WDR70: variants seen among roughly 807,000 people sequenced by gnomAD.
WDR70 encodes WD repeat domain 70.
WDR70 carries 53 observed loss-of-function variants against 88.6 expected under a neutral mutation model. That is an observed-to-expected ratio of 0.60 (90% CI 0.48 to 0.75). WDR70 has a LOEUF of 0.75. Among genes scored for constraint, WDR70 ranks in the 30% least tolerant of loss-of-function variants. WDR70 has a pLI of 0.00. For missense variants in WDR70, 610 were observed against 823.2 expected, an observed-to-expected ratio of 0.74 and a Z score of 3.17; for synonymous variants, 280 against 270.0, an observed-to-expected ratio of 1.04 and a Z score of -0.36.
chr5:37,509,570 T>G (rs76647366), intron 8 of WDR70, among the ~76,000 whole-genome samples: 24,773 of 152,152 alleles, frequency 0.16, 2,133 homozygotes, highest in South Asian at 0.27. Flanking sequence ...AAATATCTGA[T>G]GAAGTGTGTT....
intron 10 of WDR70, among the ~76,000 whole-genome samples, chr5:37,640,187 A>G (rs1472361380): frequency 6.6e-6 from 1 of 152,166 alleles, no homozygotes; most frequent in Admixed American, 6.5e-5. Flanking sequence ...GAGAATTACC[A>G]TGAAAAATGA....
At chr5:37,595,382 CAT>C (rs138966923) in intron 9 of WDR70, among the ~76,000 whole-genome samples, 4,605 of 152,098 alleles carry the variant, frequency 0.03, 247 homozygotes, top group African/African-American at 0.1. Flanking sequence ...GAAATCTGGC[CAT>C]GTGTGTGTGT....
chr5:37,606,892 C>G (rs1442674808), intron 10 of WDR70, among the ~76,000 whole-genome samples: 3 of 35,522 alleles, frequency 8.4e-5, no homozygotes, highest in African/African-American at 2.6e-4. Context: ...TCCCCCCTCC[C>G]CTCCCCTCCC....
At chr5:37,643,902 T>C (rs907658224) in intron 10 of WDR70, among the ~76,000 whole-genome samples, 9 of 152,146 alleles carry the variant, frequency 5.9e-5, no homozygotes, top group Non-Finnish European at 1.2e-4. Flanking sequence ...TTTAGGTTTT[T>C]CCAAATATAA....
chr5:37,450,928 C>T (rs1173509375), intron 7 of WDR70, among the ~76,000 whole-genome samples: 4 of 151,936 alleles, frequency 2.6e-5, no homozygotes, highest in African/African-American at 9.7e-5. Context: ...GATGGAGTTT[C>T]ACTCTTGTTG....
At chr5:37,407,469 A>C (rs1749387810) in intron 5 of WDR70, among the ~76,000 whole-genome samples, 1 of 151,774 alleles carries the variant, frequency 6.6e-6, no homozygotes. Context: ...GGTTGCAACG[A>C]GCTAAAAATC....
chr5:37,480,728 G>A (rs1199247650), intron 8 of WDR70, among the ~76,000 whole-genome samples: 5 of 151,908 alleles, frequency 3.3e-5, no homozygotes, highest in East Asian at 3.9e-4. Flanking sequence ...ATTCTGCCTC[G>A]GCCCCTCCGA....
At chr5:37,639,384 C>T (rs1745049274) in intron 10 of WDR70, among the ~76,000 whole-genome samples, 1 of 152,188 alleles carries the variant, frequency 6.6e-6, no homozygotes, top group Non-Finnish European at 1.5e-5. Flanking sequence ...AGACACAATT[C>T]ACGCTGAAAA....
chr5:37,649,842 A>G (rs1745347375), intron 10 of WDR70, among the ~76,000 whole-genome samples: 1 of 130,546 alleles, frequency 7.7e-6, no homozygotes, highest in African/African-American at 3.0e-5. Context: ...GGTTCACGCC[A>G]TTCTCCTGCC....
rs144647813 is a variant in WDR70, at chr5:37,696,482, A to G, written c.1093-1173A>G. Among the ~76,000 whole-genome samples, 10 of 152,326 alleles carry G rather than the reference A, an allele frequency of 6.6e-5. No individual in the cohort carries two copies. The East Asian group carries it at 1.5e-3, about 24-fold the overall frequency. ...TGACTCATTCTTCATAAGGGTTGCT[A>G]CAAGAGCAATGGAGATGAGCTCACT... On this transcript the variant is annotated intron_variant, in intron 10 of 17. Coordinates refer to ENST00000265107, the MANE Select transcript of WDR70 (RefSeq NM_018034.4).
At chr5:37,548,974 A>G (rs1009458446) in intron 9 of WDR70, among the ~76,000 whole-genome samples, 1 of 151,966 alleles carries the variant, frequency 6.6e-6, no homozygotes, top group South Asian at 2.1e-4. Flanking sequence ...TTGTTTCTGG[A>G]TCCCCTATTC....
intron 10 of WDR70, among the ~76,000 whole-genome samples, chr5:37,667,824 C>T (rs1468122395): frequency 2.4e-5 from 3 of 126,496 alleles, no homozygotes; most frequent in Non-Finnish European, 4.7e-5. Context: ...TAGTTCAATC[C>T]ATGCTAGTCT....
chr5:37,472,423 T>C (rs1739353875), intron 7 of WDR70, among the ~76,000 whole-genome samples: 2 of 152,100 alleles, frequency 1.3e-5, no homozygotes, highest in Non-Finnish European at 2.9e-5. Flanking sequence ...AAAATGTTTA[T>C]GACATTTATC....
rs2112654230 is a variant in WDR70, at chr5:37,699,224, C to T, written c.1192+1470C>T. 1.3e-5 allele frequency among the ~76,000 whole-genome samples: 2 copies of T among 152,022 alleles called. 1 individual carries two copies. The highest frequency in any genetic ancestry group is 4.2e-4 in the South Asian group (2 of 4,802). ...GATAAAATAGGTGAGCCCAAAATTA[C>T]TCAACTGAGTAATTACCCAGTTGAT... On this transcript the variant is annotated intron_variant, in intron 11 of 17. Coordinates refer to ENST00000265107, the MANE Select transcript of WDR70 (RefSeq NM_018034.4).
At chr5:37,479,812 C>T in intron 7 of WDR70, 22 bp from the exon 8 acceptor site, 1 of 1,597,888 alleles carries the variant, frequency 6.3e-7, no homozygotes, top group Non-Finnish European at 8.5e-7. Flanking sequence ...ATCTTACCAA[C>T]TTTCCTTTTC....
chr5:37,477,789 A>G (rs1162505562), intron 7 of WDR70, among the ~76,000 whole-genome samples: 2 of 151,974 alleles, frequency 1.3e-5, no homozygotes, highest in Non-Finnish European at 2.9e-5. Context: ...CTGTTCTTTT[A>G]TAGGGTTTCT....
intron 10 of WDR70, chr5:37,620,185 A>C (rs1198319079): frequency 6.6e-6 from 1 of 151,874 alleles, no homozygotes; most frequent in Non-Finnish European, 1.5e-5. Context: ...ATATAATTTT[A>C]AAGATACTTC....
intron 7 of WDR70, among the ~76,000 whole-genome samples, chr5:37,461,789 C>T (rs143885847): frequency 7.9e-5 from 12 of 152,078 alleles, no homozygotes; most frequent in Non-Finnish European, 1.8e-4. Context: ...GGCCTGTATG[C>T]TGTATTTTTA....
intron 5 of WDR70, among the ~76,000 whole-genome samples, chr5:37,403,733 T>G (rs1455599456): frequency 6.6e-6 from 1 of 152,204 alleles, no homozygotes; most frequent in Non-Finnish European, 1.5e-5. Flanking sequence ...TTAATTTTTT[T>G]TTTTAAAGAT....
Sources: allele counts gnomAD v4.1 joint callset (sites outside exome capture counted in the v4.1 genomes callset), GRCh38; gene constraint gnomAD v4.1.1; transcripts MANE v1.5; gene names NCBI Gene and HGNC (gene_info 2026-07-23, HGNC 2026-07-21).